Variants in CADPS2 observed in about 807,000 individuals in gnomAD.
CADPS2 encodes the protein calcium dependent secretion activator 2.
A neutral mutation model predicts 172.5 loss-of-function variants in CADPS2; 93 were observed. The ratio of observed to expected loss-of-function variants is 0.54; its 90% CI spans 0.46 to 0.64. The LOEUF is 0.64. CADPS2 is among the 30% of genes least tolerant of loss of function. CADPS2 has a pLI of 0.00. For synonymous variants in CADPS2, 546 were observed against 555.2 expected (o/e 0.98, Z 0.23); for missense variants, 1,420 against 1,565.9 (o/e 0.91, Z 1.57).
intron 7 of CADPS2, among the ~76,000 whole-genome samples, chr7:122,558,339 T>C (rs2065286241): frequency 6.6e-6 from 1 of 152,176 alleles, no homozygotes; most frequent in African/African-American, 2.4e-5. Flanking sequence ...TATCCTAAAT[T>C]CGCATTTAAA....
chr7:122,705,777 T>TATAATATAATATATATGATATATA lies in CADPS2; in HGVS notation c.453+31177_453+31178insTATATATCATATATATTATATTAT, dbSNP rs2087082104. The stretch of plus-strand genomic sequence containing the variant: ...ATAATATATAATATATGATATATTA[T>TATAATATAATATATATGATATATA]ATAATATATATCATATATAATATAA... On this transcript the variant is annotated intron_variant, in intron 2 of 29. Transcript: ENST00000449022. Among the ~76,000 whole-genome samples, 2 of 19,896 alleles carry TATAATATAATATATATGATATATA rather than the reference T, an allele frequency of 1.0e-4. 1 individual carries two copies. Among genetic ancestry groups the TATAATATAATATATATGATATATA allele is most frequent in the African/African-American group, 2.7e-4 (2 of 7,370 alleles). The allele number at this position is 19,896 out of a possible 152,430, so 13.1% of individuals were successfully genotyped here. A position where few individuals can be genotyped will look rare whatever the true frequency, so the allele number is the denominator to read the frequency against.
At chr7:122,790,402 A>G (rs1230423855) in intron 1 of CADPS2, among the ~76,000 whole-genome samples, 5 of 151,324 alleles carry the variant, frequency 3.3e-5, no homozygotes, top group African/African-American at 1.2e-4. Context: ...GTTTCTAAAA[A>G]AAAAAAAAAA....
intron 8 of CADPS2, among the ~76,000 whole-genome samples, chr7:122,524,737 C>G (rs1421572968): frequency 6.6e-6 from 1 of 152,124 alleles, no homozygotes; most frequent in African/African-American, 2.4e-5. Flanking sequence ...GTTAATGAGT[C>G]TTTAAGCAAT....
intron 1 of CADPS2, among the ~76,000 whole-genome samples, chr7:122,768,541 A>C (rs1046633917): frequency 6.6e-6 from 1 of 152,136 alleles, no homozygotes; most frequent in African/African-American, 2.4e-5. Context: ...TGATCTTTAA[A>C]ACCGTATCAG....
chr7:122,416,169 AT>A lies in CADPS2; in HGVS notation c.2477-6del. The A allele has an allele frequency of 1.3e-6, 2 of 1,494,172 alleles. No homozygotes were observed. The highest frequency in any genetic ancestry group is 1.8e-6 in the Non-Finnish European group (2 of 1,102,710). The allele number at this position is 1,494,172 out of a possible 1,614,324, so 92.6% of individuals were successfully genotyped here. On this transcript the variant is annotated splice_region_variant and splice_polypyrimidine_tract_variant and intron_variant, in intron 17 of 29. Transcript: ENST00000449022. ...GAGATGCCTGGTTCATGGTCTCTATATGAAAAAAAATCATAATCATGTTACC... is the reference window on the plus strand; with the variant it reads ...GAGATGCCTGGTTCATGGTCTCTATAGAAAAAAAATCATAATCATGTTACC...
chr7:122,751,489 C>T (rs2092952862), intron 1 of CADPS2, among the ~76,000 whole-genome samples: 2 of 152,166 alleles, frequency 1.3e-5, no homozygotes, highest in East Asian at 1.9e-4. Flanking sequence ...CTCCCTCACA[C>T]ACAACCTCCC....
At chr7:122,729,900 T>C (rs930260201) in intron 2 of CADPS2, among the ~76,000 whole-genome samples, 1 of 151,568 alleles carries the variant, frequency 6.6e-6, no homozygotes, top group African/African-American at 2.4e-5. Context: ...GGAAGTATGA[T>C]GTAAATCATT....
intron 12 of CADPS2, among the ~76,000 whole-genome samples, chr7:122,477,051 G>GA (rs1165700715): frequency 3.1e-5 from 1 of 32,676 alleles, no homozygotes; most frequent in Non-Finnish European, 5.1e-5. Flanking sequence ...AGGAGAGAGA[G>GA]AAGAGAGAGA....
At chr7:122,876,021 A>T (rs1054077184) in intron 1 of CADPS2, among the ~76,000 whole-genome samples, 19 of 148,836 alleles carry the variant, frequency 1.3e-4, no homozygotes, top group Non-Finnish European at 1.0e-4. Flanking sequence ...GATATAACTT[A>T]AAAAAAAAAT....
At chr7:122,520,528 T>C (rs2060704131) in intron 8 of CADPS2, among the ~76,000 whole-genome samples, 1 of 152,062 alleles carries the variant, frequency 6.6e-6, no homozygotes, top group African/African-American at 2.4e-5. Context: ...AATTGAGATT[T>C]AACTCATCTT....
At chr7:122,830,518 T>C (rs1806227845) in intron 1 of CADPS2, among the ~76,000 whole-genome samples, 1 of 152,082 alleles carries the variant, frequency 6.6e-6, no homozygotes, top group Admixed American at 6.5e-5. Context: ...CAAAATAAAC[T>C]AAAAGGAAAT....
intron 2 of CADPS2, among the ~76,000 whole-genome samples, chr7:122,697,492 A>G (rs1459931337): frequency 6.6e-6 from 1 of 152,192 alleles, no homozygotes. Context: ...TAAATATTTA[A>G]GAAAATAAGT....
chr7:122,672,418 CT>C (rs903814965), intron 2 of CADPS2, among the ~76,000 whole-genome samples: 1 of 152,116 alleles, frequency 6.6e-6, no homozygotes, highest in Non-Finnish European at 1.5e-5. Flanking sequence ...ATGGGAATTC[CT>C]TACATTGACA....
At chr7:122,645,336 C>CATATGT (rs1167393536) in intron 3 of CADPS2, among the ~76,000 whole-genome samples, 1 of 100,906 alleles carries the variant, frequency 9.9e-6, no homozygotes. Context: ...CATATATACA[C>CATATGT]ACATGTACAT....
chr7:122,533,434 T>C (rs2061955858), intron 8 of CADPS2, among the ~76,000 whole-genome samples: 1 of 152,188 alleles, frequency 6.6e-6, no homozygotes, highest in Admixed American at 6.5e-5. Flanking sequence ...TCTTCTATTT[T>C]AAATGTACAC....
intron 24 of CADPS2, among the ~76,000 whole-genome samples, chr7:122,379,658 C>G (rs577833903): frequency 3.3e-4 from 50 of 152,198 alleles, no homozygotes; most frequent in Non-Finnish European, 6.6e-4. Flanking sequence ...TTGAGTTAAG[C>G]AGCTAATGGG....
At chr7:122,451,916 C>G (rs1226007232) in intron 14 of CADPS2, among the ~76,000 whole-genome samples, 1 of 152,108 alleles carries the variant, frequency 6.6e-6, no homozygotes, top group African/African-American at 2.4e-5. Flanking sequence ...ATTTAATTGT[C>G]ATAAGAAACA....
At chr7:122,724,594 T>C (rs140311276) in intron 2 of CADPS2, among the ~76,000 whole-genome samples, 2 of 152,160 alleles carry the variant, frequency 1.3e-5, no homozygotes, top group Non-Finnish European at 2.9e-5. Context: ...GGTTCAATCA[T>C]CAACCATCCT....
At chr7:122,847,207 C>T (rs1263356998) in intron 1 of CADPS2, among the ~76,000 whole-genome samples, 1 of 152,176 alleles carries the variant, frequency 6.6e-6, no homozygotes, top group Non-Finnish European at 1.5e-5. Context: ...CTATCTTGGC[C>T]TCTCAAGTAG....
Sources: gnomAD v4.1 joint callset for allele counts (sites outside exome capture counted in the v4.1 genomes callset) on GRCh38, gnomAD v4.1.1 for gene constraint, MANE v1.5 for transcripts, NCBI Gene and HGNC (gene_info 2026-07-23, HGNC 2026-07-21) for gene names.